The following PAPOLA variants were observed in gnomAD, a reference collection of about 807,000 sequenced individuals.
The protein encoded by PAPOLA is poly(A) polymerase alpha.
A neutral mutation model predicts 100.6 loss-of-function variants in PAPOLA; 15 were observed. The ratio of observed to expected loss-of-function variants is 0.15; its 90% CI spans 0.10 to 0.23. The LOEUF (loss-of-function observed/expected upper bound fraction) is 0.23, where lower values mean the gene tolerates loss of function less well. PAPOLA is among the 10% of genes least tolerant of loss of function. The probability of loss-of-function intolerance (pLI) is 1.00; values close to 1 mark genes in which losing one functional copy is unlikely to be tolerated. For missense variants in PAPOLA, 533 were observed against 884.2 expected, an observed-to-expected ratio of 0.60 and a Z score of 5.04; for synonymous variants, 293 against 300.0, an observed-to-expected ratio of 0.98 and a Z score of 0.24.
intron 15 of PAPOLA, among the ~76,000 whole-genome samples, chr14:96,545,134 TGAG>T (rs764468365): frequency 6.6e-6 from 1 of 152,066 alleles, no homozygotes; most frequent in Non-Finnish European, 1.5e-5. Flanking sequence ...TTATTCCCTT[TGAG>T]GAGTTTTCAC....
intron 19 of PAPOLA, among the ~76,000 whole-genome samples, chr14:96,557,191 G>A (rs1901411589): frequency 6.6e-6 from 1 of 152,008 alleles, no homozygotes; most frequent in Admixed American, 6.6e-5. Flanking sequence ...GACTACAGGT[G>A]CGCACCACCA....
chr14:96,552,520 G>A lies in PAPOLA; in HGVS notation c.1562G>A (p.Ser521Asn). 1.2e-6 allele frequency: 2 copies of A among 1,613,636 alleles called. No individual in the cohort carries two copies. Among genetic ancestry groups the A allele is most frequent in the Non-Finnish European group, 1.7e-6 (2 of 1,179,530 alleles). The part of the protein sequence containing the change: ...EGVKLTALND[S>N]SLDLSMDSDN... Reference sequence around the variant, plus strand: ...GTCAAATTGACAGCTCTCAATGACAGCAGCCTCGACTTGTCTATGGACAGT... The same window carrying A: ...GTCAAATTGACAGCTCTCAATGACAACAGCCTCGACTTGTCTATGGACAGT... Residue 521 changes from serine (S) to asparagine (N), a missense_variant, in exon 17 of 22, where the codon AGC becomes AAC. Ser to Asn is a conservative substitution (Grantham distance 46). Coordinates refer to ENST00000216277, the MANE Select transcript of PAPOLA (RefSeq NM_032632.5).
intron 12 of PAPOLA, chr14:96,541,927 G>A (rs1375764135): frequency 1.6e-5 from 3 of 185,470 alleles, no homozygotes; most frequent in Non-Finnish European, 3.4e-5. Flanking sequence ...TTAGTGAACA[G>A]CTCTTTAATT....
intron 1 of PAPOLA, among the ~76,000 whole-genome samples, chr14:96,517,039 G>A (rs982242315): frequency 6.6e-6 from 1 of 151,968 alleles, no homozygotes; most frequent in South Asian, 2.1e-4. Flanking sequence ...CCTTGAGAAT[G>A]GAAAAGAATG....
intron 15 of PAPOLA, among the ~76,000 whole-genome samples, chr14:96,545,404 G>A (rs1900313955): frequency 6.6e-6 from 1 of 152,048 alleles, no homozygotes; most frequent in Admixed American, 6.5e-5. Flanking sequence ...TGATACAAGT[G>A]TTGTCTGTAG....
intron 10 of PAPOLA, 171 bp from the exon 11 acceptor site, chr14:96,535,708 T>C: frequency 1.2e-6 from 1 of 805,362 alleles, no homozygotes. Flanking sequence ...TCTTTGATTC[T>C]ATAAAAAATT....
At chr14:96,507,644 A>T (rs1896824607) in intron 1 of PAPOLA, among the ~76,000 whole-genome samples, 1 of 152,206 alleles carries the variant, frequency 6.6e-6, no homozygotes, top group South Asian at 2.1e-4. Context: ...AAATACTTTA[A>T]AAGTTCTTCA....
intron 16 of PAPOLA, among the ~76,000 whole-genome samples, chr14:96,551,621 G>A (rs1900855922): frequency 1.3e-5 from 2 of 152,086 alleles, no homozygotes; most frequent in Admixed American, 1.3e-4. Context: ...TCATTAAAAT[G>A]TTTCTGTAGG....
chr14:96,547,746 T>G (rs1900502568), intron 15 of PAPOLA, 51 bp from the exon 16 acceptor site: 8 of 1,443,280 alleles, frequency 5.5e-6, no homozygotes, highest in African/African-American at 2.9e-5. Flanking sequence ...TGAGTATAAC[T>G]GCCTTTATTA....
At chr14:96,539,477 A>T (rs1431140170) in intron 12 of PAPOLA, among the ~76,000 whole-genome samples, 1 of 152,162 alleles carries the variant, frequency 6.6e-6, no homozygotes, top group Non-Finnish European at 1.5e-5. Flanking sequence ...GTAATAAAGT[A>T]ACTAAATTAA....
intron 1 of PAPOLA, among the ~76,000 whole-genome samples, chr14:96,518,449 C>T (rs972919122): frequency 6.6e-6 from 1 of 151,842 alleles, no homozygotes; most frequent in Non-Finnish European, 1.5e-5. Context: ...CGCTCTGTCC[C>T]CCAGGCTGGA....
chr14:96,551,391 A>G (rs569607761), intron 16 of PAPOLA, among the ~76,000 whole-genome samples: 4 of 152,298 alleles, frequency 2.6e-5, no homozygotes, highest in East Asian at 1.9e-4. Context: ...AGGTACTTCT[A>G]TTTCACGACT....
At chr14:96,547,615 T>G (rs1900492021) in intron 15 of PAPOLA, 182 bp from the exon 16 acceptor site, 2 of 465,266 alleles carry the variant, frequency 4.3e-6, no homozygotes, top group African/African-American at 4.1e-5. Context: ...CAGCTCATCT[T>G]GTGGTAAAAG....
At chr14:96,561,665 A>G (rs1163086916) in intron 20 of PAPOLA, among the ~76,000 whole-genome samples, 2 of 152,228 alleles carry the variant, frequency 1.3e-5, no homozygotes, top group South Asian at 4.1e-4. Context: ...TTATTTACTT[A>G]GCATAAATTA....
chr14:96,528,117 T>A, intron 6 of PAPOLA, 111 bp downstream of exon 6: 1 of 708,124 alleles, frequency 1.4e-6, no homozygotes, highest in South Asian at 1.6e-5. Flanking sequence ...GTTGTGATAT[T>A]AATAACAATT....
At chr14:96,552,430 C>T (rs528270193) in intron 16 of PAPOLA, 50 bp from the exon 17 acceptor site, 1 of 1,512,770 alleles carries the variant, frequency 6.6e-7, no homozygotes, top group South Asian at 1.1e-5. Context: ...CATGTTTCAA[C>T]ATTTGGATGA....
intron 6 of PAPOLA, among the ~76,000 whole-genome samples, chr14:96,531,256 C>T (rs986353019): frequency 7.2e-5 from 11 of 152,008 alleles, no homozygotes; most frequent in Non-Finnish European, 1.2e-4. Flanking sequence ...CTGCCCAGGC[C>T]TCCCAAAGTG....
rs569294132 is a variant in PAPOLA, at chr14:96,548,089, G to A, written c.1521+171G>A. Among the ~76,000 whole-genome samples, 6 of 152,196 alleles carry A rather than the reference G, an allele frequency of 3.9e-5. No homozygotes were observed. In the South Asian group the frequency reaches 6.2e-4, roughly 16 times the overall value. On this transcript the variant is annotated intron_variant, in intron 16 of 21. Coordinates refer to ENST00000216277, the MANE Select transcript of PAPOLA (RefSeq NM_032632.5). ...ATTATGTGAAATCTGACTCTAATCA[G>A]TTTTCTTGCACACAGTTGCTTTAGA...
chr14:96,530,731 C>T lies in PAPOLA; in HGVS notation c.496-744C>T, dbSNP rs575350001. Among the ~76,000 whole-genome samples, 33 of 152,114 alleles carry T rather than the reference C, an allele frequency of 2.2e-4. 1 individual carries two copies. The South Asian group carries it at 6.0e-3, about 28-fold the overall frequency. The stretch of plus-strand genomic sequence containing the variant: ...TTATCTAATTAAAATACCTATGATA[C>T]GAAATAATATAGTTTGGACTTTTGG... On this transcript the variant is annotated intron_variant, in intron 6 of 21. Coordinates refer to ENST00000216277, the MANE Select transcript of PAPOLA (RefSeq NM_032632.5).
Sources: gnomAD v4.1 joint callset for allele counts (sites outside exome capture counted in the v4.1 genomes callset) on GRCh38, gnomAD v4.1.1 for gene constraint, MANE v1.5 for transcripts, NCBI Gene and HGNC (gene_info 2026-07-23, HGNC 2026-07-21) for gene names.